The following DCUN1D4 variants were observed in gnomAD, a reference collection of about 807,000 sequenced individuals.
DCUN1D4 encodes the protein DCN1-like protein 4.
DCUN1D4 carries 22 observed loss-of-function variants against 47.9 expected under a neutral mutation model. The observed-to-expected ratio is 0.46, with a 90% CI of 0.33 to 0.66. The LOEUF (loss-of-function observed/expected upper bound fraction) is 0.66. DCUN1D4 is among the 30% of genes least tolerant of loss of function. The pLI, the probability that DCUN1D4 is intolerant of heterozygous loss-of-function variation, is 0.02. For missense variants in DCUN1D4, 301 were observed against 340.8 expected (o/e 0.88, Z 0.92); for synonymous variants, 121 against 112.2 (o/e 1.08, Z -0.50).
intron 3 of DCUN1D4, among the ~76,000 whole-genome samples, chr4:51,869,369 G>A (rs1490604809): frequency 6.6e-6 from 1 of 152,082 alleles, no homozygotes; most frequent in Non-Finnish European, 1.5e-5. Flanking sequence ...AATGTTCAAT[G>A]AAAAGTGAGG....
intron 6 of DCUN1D4, among the ~76,000 whole-genome samples, chr4:51,890,038 C>A (rs1730170212): frequency 6.6e-6 from 1 of 151,976 alleles, no homozygotes; most frequent in Non-Finnish European, 1.5e-5. Context: ...ATATTAATTT[C>A]CAGTGAGGAA....
chr4:51,863,931 C>T (rs901754354), intron 3 of DCUN1D4, among the ~76,000 whole-genome samples: 4 of 152,112 alleles, frequency 2.6e-5, no homozygotes, highest in Non-Finnish European at 4.4e-5. Context: ...TAAAGAGGCT[C>T]GGGATTCTCA....
At chr4:51,878,714 T>G (rs1220166418) in intron 5 of DCUN1D4, among the ~76,000 whole-genome samples, 1 of 152,242 alleles carries the variant, frequency 6.6e-6, no homozygotes, top group African/African-American at 2.4e-5. Flanking sequence ...TTGCCTGAAA[T>G]GATTTTCTCC....
chr4:51,862,504 TTTTC>T (rs967521726), intron 1 of DCUN1D4, among the ~76,000 whole-genome samples: 35 of 152,318 alleles, frequency 2.3e-4, no homozygotes, highest in African/African-American at 7.9e-4. Context: ...AGGGAGCTTT[TTTTC>T]TTTCTTTCTT....
intron 1 of DCUN1D4, among the ~76,000 whole-genome samples, 179 bp from the exon 2 acceptor site, chr4:51,863,258 T>C (rs958485143): frequency 6.6e-6 from 1 of 152,224 alleles, no homozygotes; most frequent in African/African-American, 2.4e-5. Flanking sequence ...GGTTGGGAAT[T>C]TAACTTTATT....
intron 3 of DCUN1D4, among the ~76,000 whole-genome samples, chr4:51,870,003 A>G (rs1726624312): frequency 6.6e-6 from 1 of 152,212 alleles, no homozygotes. Context: ...GTAAACACCA[A>G]AACATTAAGA....
At chr4:51,860,810 G>C (rs1192624581) in intron 1 of DCUN1D4, 1 of 305,266 alleles carries the variant, frequency 3.3e-6, no homozygotes, top group African/African-American at 2.2e-5. Flanking sequence ...GAGAATTACA[G>C]TTCAACATAA....
rs1379306778 is a variant in DCUN1D4, at chr4:51,913,356, A to G, written c.787A>G (p.Asn263Asp). ...CNVLEFSRTI[N>D]LDLSNYDEDG... ...TGTCCTAGAGTTTAGCAGAACAATT[A>G]ATCTTGACCTCAGCAACTATGATGA... The change falls in exon 10 of 11, where the codon AAT becomes GAT. Residue 263 changes from asparagine to aspartate, a missense_variant. By Grantham distance (23) the Asn-to-Asp change is conservative. This residue lies in a region of DCUN1D4 where 170 missense variants were observed against 234.5 expected (regional missense o/e 0.73). Transcript: ENST00000334635. The G allele has an allele frequency of 6.2e-7, 1 of 1,612,762 alleles. No individual in the cohort carries two copies. The highest frequency in any genetic ancestry group is 1.7e-5 in the Admixed American group (1 of 59,930).
chr4:51,880,625 C>T (rs1268117420), intron 5 of DCUN1D4, among the ~76,000 whole-genome samples: 1 of 152,194 alleles, frequency 6.6e-6, no homozygotes, highest in Non-Finnish European at 1.5e-5. Flanking sequence ...CTAAAATCTC[C>T]ACCAGCTCAA....
intron 3 of DCUN1D4, among the ~76,000 whole-genome samples, chr4:51,866,322 A>G (rs927900619): frequency 2.0e-5 from 3 of 152,208 alleles, no homozygotes. Context: ...ATCCCCCACT[A>G]GTAGTCCACG....
intron 1 of DCUN1D4, among the ~76,000 whole-genome samples, chr4:51,861,960 A>G (rs1397761371): frequency 6.6e-6 from 1 of 152,194 alleles, no homozygotes. Context: ...ATAGGTGTAT[A>G]ATACACATAC....
rs905573212 is a variant in DCUN1D4, at chr4:51,913,818, G to A, written c.*234G>A. On this transcript the variant is annotated 3_prime_UTR_variant, in exon 11 of 11. Transcript: ENST00000334635. ...ACTACAGATTGGTGAATTTGCCAAC[G>A]TCCTCACTGTGATTATGTGTATATT... The A allele has an allele frequency of 1.1e-5, 5 of 460,002 alleles. 1 individual carries two copies. Among genetic ancestry groups the A allele is most frequent in the East Asian group, 6.4e-5 (2 of 31,322 alleles). 28.5% of individuals were successfully genotyped at this position (460,002 alleles called of 1,614,324 possible). A position where few individuals can be genotyped will look rare whatever the true frequency, so the allele number is the denominator to read the frequency against.
chr4:51,904,382 T>C (rs1732563390), intron 8 of DCUN1D4, among the ~76,000 whole-genome samples: 1 of 152,180 alleles, frequency 6.6e-6, no homozygotes, highest in Admixed American at 6.5e-5. Flanking sequence ...TCAGGTTGTT[T>C]CTTCACATGT....
At chr4:51,873,317 C>T (rs1289726676) in intron 3 of DCUN1D4, among the ~76,000 whole-genome samples, 1 of 152,140 alleles carries the variant, frequency 6.6e-6, no homozygotes, top group African/African-American at 2.4e-5. Context: ...TTATCTTTGC[C>T]CTGCCTGTCA....
At chr4:51,864,074 G>A (rs999640834) in intron 3 of DCUN1D4, among the ~76,000 whole-genome samples, 1 of 152,236 alleles carries the variant, frequency 6.6e-6, no homozygotes, top group Non-Finnish European at 1.5e-5. Flanking sequence ...AATATGGTGT[G>A]TGTGTATGTG....
At chr4:51,876,814 G>T (rs1335081893) in intron 4 of DCUN1D4, among the ~76,000 whole-genome samples, 1 of 151,938 alleles carries the variant, frequency 6.6e-6, no homozygotes, top group Non-Finnish European at 1.5e-5. Flanking sequence ...TGCATATACT[G>T]GGGAATTACC....
At chr4:51,878,637 A>G (rs138794559) in intron 5 of DCUN1D4, among the ~76,000 whole-genome samples, 1 of 152,020 alleles carries the variant, frequency 6.6e-6, no homozygotes, top group East Asian at 1.9e-4. Context: ...TCTAATCCCA[A>G]CCCTATCTCC....
intron 1 of DCUN1D4, among the ~76,000 whole-genome samples, chr4:51,854,380 T>C (rs1723814223): frequency 1.3e-5 from 2 of 152,244 alleles, no homozygotes; most frequent in Admixed American, 1.3e-4. Flanking sequence ...TTTTGTACTT[T>C]TTAAAAACAT....
rs1734028964 is a variant in DCUN1D4, at chr4:51,913,640, G to A, written c.*56G>A. 6.0e-6 allele frequency: 9 copies of A among 1,498,626 alleles called. No individual in the cohort carries two copies. Among genetic ancestry groups the A allele is most frequent in the Non-Finnish European group, 8.3e-6 (9 of 1,079,606 alleles). The allele number at this position is 1,498,626 out of a possible 1,614,324, so 92.8% of individuals were successfully genotyped here. A position where few individuals can be genotyped will look rare whatever the true frequency, so the allele number is the denominator to read the frequency against. On this transcript the variant is annotated 3_prime_UTR_variant, in exon 11 of 11. Transcript: ENST00000334635. ...GTTACCACAGTTTTGTCACCCATTAGCCATAAATTGCTGTTTGTATCAAAG... is the reference window on the plus strand; with the variant it reads ...GTTACCACAGTTTTGTCACCCATTAACCATAAATTGCTGTTTGTATCAAAG...
Sources: gnomAD v4.1 joint callset for allele counts (sites outside exome capture counted in the v4.1 genomes callset) on GRCh38, gnomAD v4.1.1 for gene constraint, gnomAD v4.1.1 regional missense constraint, MANE v1.5 for transcripts, NCBI Gene and HGNC (gene_info 2026-07-23, HGNC 2026-07-21) for gene names.